ADCYAP1R1: variants seen among roughly 807,000 people sequenced by gnomAD.
The protein encoded by ADCYAP1R1 is pituitary adenylate cyclase-activating polypeptide type I receptor.
In ADCYAP1R1, 44 loss-of-function variants were observed where a neutral mutation model predicts 67.6. The observed-to-expected ratio is 0.65, with a 90% confidence interval of 0.51 to 0.84. The LOEUF is 0.84. ADCYAP1R1 is among the 40% of genes least tolerant of loss of function. The probability of loss-of-function intolerance (pLI) is 0.00; values close to 1 mark genes in which losing one functional copy is unlikely to be tolerated. For synonymous variants in ADCYAP1R1, 222 were observed against 219.6 expected, an observed-to-expected ratio of 1.01 and a Z score of -0.10; for missense variants, 477 against 587.9, an observed-to-expected ratio of 0.81 and a Z score of 1.95.
In ADCYAP1R1 at chr7:31,086,369, C is replaced by T. The variant is rs549741398; in HGVS notation, c.670-15C>T. The T allele has an allele frequency of 1.3e-5, 21 of 1,612,646 alleles. No homozygotes were observed. The highest frequency in any genetic ancestry group is 1.8e-4 in the Middle Eastern group (1 of 5,684). ...GTTGGGCTCACGCCCCTCACCCTGG[C>T]GCTTCTCCCTGCAGGTGGAATGTAA... On this transcript the variant is annotated splice_polypyrimidine_tract_variant and intron_variant, in intron 9 of 15. Transcript: ENST00000304166. The surrounding 1 kb of genome is among the most constrained non-coding windows in gnomAD (Gnocchi z 5.0).
intron 13 of ADCYAP1R1, among the ~76,000 whole-genome samples, chr7:31,097,620 C>G (rs1467382080): frequency 6.6e-6 from 1 of 152,050 alleles, no homozygotes; most frequent in African/African-American, 2.4e-5. Flanking sequence ...GTGAACTTGT[C>G]ACTAAATGGT....
At chr7:31,078,377 C>T (rs2128626049) in intron 4 of ADCYAP1R1, among the ~76,000 whole-genome samples, 1 of 152,362 alleles carries the variant, frequency 6.6e-6, no homozygotes, top group African/African-American at 2.4e-5. Flanking sequence ...TGTCTGTCAG[C>T]TGGGTATGTG....
chr7:31,074,939 C>T (rs544996585), intron 3 of ADCYAP1R1, among the ~76,000 whole-genome samples: 10 of 152,302 alleles, frequency 6.6e-5, no homozygotes, highest in South Asian at 4.1e-4. Context: ...TGACTGGGTG[C>T]GAACTCCAAA....
chr7:31,106,676 G>A lies in ADCYAP1R1; in HGVS notation c.1399G>A (p.Ala467Thr). Residue 467 changes from alanine to threonine, a missense_variant, in exon 16 of 16, where the codon GCC (alanine) becomes ACC (threonine). By Grantham distance (58) the Ala-to-Thr change is moderately conservative. Coordinates refer to ENST00000304166, the MANE Select transcript of ADCYAP1R1 (RefSeq NM_001118.5). ...GTCTGGCCTCCCTGCTGACAATCTG[G>A]CCACCTGAGCCATGCTCCCCTCCTC... The part of the protein sequence containing the change: ...RMSGLPADNL[A>T]T The A allele has an allele frequency of 1.2e-6, 2 of 1,606,050 alleles. No homozygotes were observed. The highest frequency in any genetic ancestry group is 4.5e-5 in the East Asian group (2 of 44,534).
intron 3 of ADCYAP1R1, among the ~76,000 whole-genome samples, chr7:31,074,264 C>A (rs553844719): frequency 3.9e-5 from 6 of 152,302 alleles, no homozygotes; most frequent in African/African-American, 1.2e-4. Context: ...GCTTCCGGTG[C>A]TAATGCTGAG....
Position 31,080,586 on chromosome 7 carries a change from C to T in ADCYAP1R1, c.266-27C>T, listed in dbSNP as rs760860998. 8 of 1,565,752 alleles carry T rather than the reference C, an allele frequency of 5.1e-6. No homozygotes were observed. In the East Asian group the frequency reaches 1.6e-4, roughly 31 times the overall value. ...ACCCCGCTGCTCACCTCTGACTTTT[C>T]TCTCTCTCTCTTTCTCTCTGTTTCA... On this transcript the variant is annotated intron_variant, in intron 4 of 15. Coordinates refer to ENST00000304166, the MANE Select transcript of ADCYAP1R1 (RefSeq NM_001118.5).
intron 3 of ADCYAP1R1, among the ~76,000 whole-genome samples, chr7:31,067,688 C>G (rs1293990611): frequency 1.3e-5 from 2 of 152,210 alleles, no homozygotes; most frequent in Admixed American, 1.3e-4. Flanking sequence ...CCCAGCACCC[C>G]CCCGGGCGCA....
Position 31,106,915 on chromosome 7 carries a change from A to C in ADCYAP1R1, c.*231A>C. 2.0e-6 allele frequency: 1 copy of C among 505,852 alleles called. No individual in the cohort carries two copies. The highest frequency in any genetic ancestry group is 3.4e-6 in the Non-Finnish European group (1 of 295,892). The allele number at this position is 505,852 out of a possible 1,614,324, so 31.3% of individuals were successfully genotyped here. A position where few individuals can be genotyped will look rare whatever the true frequency, so the allele number is the denominator to read the frequency against. On this transcript the variant is annotated 3_prime_UTR_variant, in exon 16 of 16. Coordinates refer to ENST00000304166, the MANE Select transcript of ADCYAP1R1 (RefSeq NM_001118.5). ...GGGCCCTGACCCCAGACATGTAAAT[A>C]CTCCTCAAATTTGGAAAAGTTGTCC...
intron 6 of ADCYAP1R1, among the ~76,000 whole-genome samples, chr7:31,083,357 C>T (rs952867536): frequency 2.6e-5 from 4 of 152,190 alleles, no homozygotes; most frequent in African/African-American, 9.7e-5. Context: ...AAAAACCAGC[C>T]TGGACTTCAC....
intron 2 of ADCYAP1R1, among the ~76,000 whole-genome samples, chr7:31,063,841 A>G (rs1414423272): frequency 6.6e-6 from 1 of 152,198 alleles, no homozygotes; most frequent in South Asian, 2.1e-4. Context: ...GGCCTGACTC[A>G]CTGTGTGGCC....
chr7:31,056,747 T>C (rs10241138), intron 1 of ADCYAP1R1, among the ~76,000 whole-genome samples: 25,333 of 152,186 alleles, frequency 0.17, 2,571 homozygotes, highest in African/African-American at 0.28. Context: ...AATGAGAAGC[T>C]GATCACTCCA....
At chr7:31,089,345 T>C (rs1415947127) in intron 12 of ADCYAP1R1, among the ~76,000 whole-genome samples, 3 of 152,150 alleles carry the variant, frequency 2.0e-5, no homozygotes, top group African/African-American at 4.8e-5. Context: ...GCCCTTGTTT[T>C]GTAGGGATGA....
intron 3 of ADCYAP1R1, among the ~76,000 whole-genome samples, chr7:31,065,268 G>GTCCTGT (rs1451837817): frequency 6.6e-6 from 1 of 152,172 alleles, no homozygotes; most frequent in Non-Finnish European, 1.5e-5. Context: ...GTGGCAGCAG[G>GTCCTGT]GACACAGCTA....
At chr7:31,054,243 G>A (rs1562621780) in intron 1 of ADCYAP1R1, among the ~76,000 whole-genome samples, 1 of 152,158 alleles carries the variant, frequency 6.6e-6, no homozygotes, top group Admixed American at 6.5e-5. Context: ...CTTTGGCCAT[G>A]GGTGGTTCAT....
intron 1 of ADCYAP1R1, among the ~76,000 whole-genome samples, chr7:31,057,276 G>A (rs929831976): frequency 6.6e-6 from 1 of 151,968 alleles, no homozygotes; most frequent in African/African-American, 2.4e-5. Flanking sequence ...CTGGCCCAGG[G>A]GGTGCACTCC....
intron 13 of ADCYAP1R1, among the ~76,000 whole-genome samples, chr7:31,101,455 C>T (rs1198329894): frequency 6.6e-6 from 1 of 152,136 alleles, no homozygotes; most frequent in African/African-American, 2.4e-5. Context: ...TGTTCTGGGG[C>T]CAGCTTCCTT....
At chr7:31,079,011 C>T (rs551591045) in intron 4 of ADCYAP1R1, among the ~76,000 whole-genome samples, 21 of 152,218 alleles carry the variant, frequency 1.4e-4, no homozygotes, top group Admixed American at 1.3e-3. Context: ...ATAGAGCAGC[C>T]CGTGAGTGGG....
chr7:31,064,833 C>T lies in ADCYAP1R1; in HGVS notation c.54C>T (p.Ala18=). 1 of 1,609,700 alleles carries T rather than the reference C, an allele frequency of 6.2e-7. No homozygotes were observed. The highest frequency in any genetic ancestry group is 8.5e-7 in the Non-Finnish European group (1 of 1,177,726). Residue 18 remains alanine, a splice_region_variant and synonymous_variant, in exon 3 of 16, where the codon GCC becomes GCT. Transcript: ENST00000304166. The part of the protein sequence containing the change: ...SLAALLLLPM[A]PAMHSDCIFK... ...ATCCATCCTGTGTTCTCCTACAGGCCCCTGCCATGCATTCTGACTGCATCT... is the reference window on the plus strand; with the variant it reads ...ATCCATCCTGTGTTCTCCTACAGGCTCCTGCCATGCATTCTGACTGCATCT...
rs772251803 is a variant in ADCYAP1R1, at chr7:31,086,421, G to C, written c.707G>C (p.Cys236Ser). The C allele has an allele frequency of 1.2e-6, 2 of 1,614,208 alleles. No individual in the cohort carries two copies. Among genetic ancestry groups the C allele is most frequent in the Non-Finnish European group, 1.7e-6 (2 of 1,180,044 alleles). Residue 236 changes from cysteine to serine, a missense_variant, in exon 10 of 16, where the codon TGT (cysteine) becomes TCT (serine). Coordinates refer to ENST00000304166, the MANE Select transcript of ADCYAP1R1 (RefSeq NM_001118.5). This position sits in a 1 kb window ranked among gnomAD's most constrained non-coding sequence, Gnocchi z 5.0. ...GCCGTCATGGTTTTCTTCCACTACT[G>C]TGTTGTGTCCAACTACTTCTGGCTG... Reference protein sequence around the residue: ...CKAVMVFFHYCVVSNYFWLFI... With the variant: ...CKAVMVFFHYSVVSNYFWLFI...
Sources: allele counts gnomAD v4.1 joint callset (sites outside exome capture counted in the v4.1 genomes callset), GRCh38; gene constraint gnomAD v4.1.1; non-coding constraint Gnocchi (gnomAD v3.1); transcripts MANE v1.5; gene names NCBI Gene and HGNC (gene_info 2026-07-23, HGNC 2026-07-21).